GALNT18: variants seen among roughly 807,000 people sequenced by gnomAD.
The protein encoded by GALNT18 is GalNAc-transferase 18.
A neutral mutation model predicts 69.5 loss-of-function variants in GALNT18; 44 were observed. That is an observed-to-expected ratio of 0.63 (90% confidence interval 0.50 to 0.81). The LOEUF (loss-of-function observed/expected upper bound fraction) is 0.81, where lower values mean the gene tolerates loss of function less well. Ranked by LOEUF, GALNT18 falls within the 40% of genes least tolerant of loss-of-function variation. GALNT18 has a pLI of 0.00. For synonymous variants in GALNT18, 364 were observed against 318.2 expected, an observed-to-expected ratio of 1.14 and a Z score of -1.53; for missense variants, 715 against 810.0, an observed-to-expected ratio of 0.88 and a Z score of 1.42.
At chr11:11,492,380 C>T (rs1856788907) in intron 1 of GALNT18, among the ~76,000 whole-genome samples, 1 of 152,184 alleles carries the variant, frequency 6.6e-6, no homozygotes, top group Non-Finnish European at 1.5e-5. Flanking sequence ...GCCATAGAAG[C>T]TGAGAATGCT....
At chr11:11,393,603 C>T (rs866270661) in intron 3 of GALNT18, among the ~76,000 whole-genome samples, 1 of 152,194 alleles carries the variant, frequency 6.6e-6, no homozygotes, top group South Asian at 2.1e-4. Context: ...GGCAGAGACC[C>T]GTGTCCCTGA....
chr11:11,548,205 G>A (rs970424164), intron 1 of GALNT18, among the ~76,000 whole-genome samples: 1 of 152,230 alleles, frequency 6.6e-6, no homozygotes, highest in Non-Finnish European at 1.5e-5. Flanking sequence ...AGCACAGGCT[G>A]CAATCTGCAT....
rs58037253 is a variant in GALNT18, at chr11:11,562,432, T to TA, written c.235+58926dup. 0.43 allele frequency among the ~76,000 whole-genome samples: 65,454 copies of TA among 151,978 alleles called. 17,128 individuals are homozygous for TA. Among genetic ancestry groups the TA allele is most frequent in the African/African-American group, 0.74 (30,529 of 41,406 alleles). On this transcript the variant is annotated intron_variant, in intron 1 of 10. Coordinates refer to ENST00000227756, the MANE Select transcript of GALNT18 (RefSeq NM_198516.3). This position sits in a 1 kb window ranked among gnomAD's most constrained non-coding sequence, Gnocchi z 4.1. ...TAAAGTTTCTATCTCCAAATAAGGT[T>TA]ACATTCTGAGGTATTAGGGGTGAGG...
intron 1 of GALNT18, among the ~76,000 whole-genome samples, chr11:11,472,613 C>T (rs1228998422): frequency 1.3e-5 from 2 of 152,070 alleles, no homozygotes; most frequent in Non-Finnish European, 2.9e-5. Flanking sequence ...GACTCTTATA[C>T]ATTGAGTCTA....
At chr11:11,399,373 G>A (rs1311467274) in intron 3 of GALNT18, among the ~76,000 whole-genome samples, 1 of 152,274 alleles carries the variant, frequency 6.6e-6, no homozygotes, top group South Asian at 2.1e-4. Flanking sequence ...ATCTTTAAGA[G>A]GTTCACCTTT....
rs559463893 is a variant in GALNT18 at position 11,532,105 on chromosome 11, C to T, written c.236-83169G>A. On this transcript the variant is annotated intron_variant, in intron 1 of 10. Coordinates refer to ENST00000227756, the MANE Select transcript of GALNT18 (RefSeq NM_198516.3). The stretch of plus-strand genomic sequence containing the variant: ...AGTGCCCCATTTTCTCCCATTCTGA[C>T]ACCATTTTGAAATGATTAGCCTAGG... Among the ~76,000 whole-genome samples the T allele has an allele frequency of 5.4e-4, 82 of 152,220 alleles. 1 individual carries two copies. The South Asian group carries it at 0.012, about 22-fold the overall frequency.
rs370836070 is a variant in GALNT18, at chr11:11,372,478, G to C, written c.1092+37C>G. ...CCCAGACTCATTCACCCTGGTGGGA[G>C]CTGAGCCGAGCAGTTTGAGTGAGAA... On this transcript the variant is annotated intron_variant, in intron 6 of 10. Coordinates refer to ENST00000227756, the MANE Select transcript of GALNT18 (RefSeq NM_198516.3). This position sits in a 1 kb window ranked among gnomAD's most constrained non-coding sequence, Gnocchi z 4.9. The C allele has an allele frequency of 9.1e-6, 14 of 1,532,384 alleles. No homozygotes were observed. In the African/African-American group the frequency reaches 1.8e-4, roughly 19 times the overall value. The allele number at this position is 1,532,384 out of a possible 1,614,324, so 94.9% of individuals were successfully genotyped here.
chr11:11,375,463 C>T (rs1397301798), intron 5 of GALNT18, among the ~76,000 whole-genome samples: 3 of 152,184 alleles, frequency 2.0e-5, no homozygotes, highest in African/African-American at 4.8e-5. Flanking sequence ...TGCAGGAATG[C>T]TCATTGCATG....
chr11:11,429,905 C>T (rs950957327), intron 3 of GALNT18, among the ~76,000 whole-genome samples: 2 of 152,070 alleles, frequency 1.3e-5, no homozygotes, highest in Admixed American at 6.5e-5. Flanking sequence ...TTTGGGAGGG[C>T]GAGGCAGGAG....
Position 11,607,020 on chromosome 11 carries a change from T to A in GALNT18, c.235+14339A>T, listed in dbSNP as rs537008720. ...TGTGAGAACTGCAAAAGTAGGAAGG[T>A]TTACCCTTCTTTGTTGATATGTGAG... On this transcript the variant is annotated intron_variant, in intron 1 of 10. Coordinates refer to ENST00000227756, the MANE Select transcript of GALNT18 (RefSeq NM_198516.3). Among the ~76,000 whole-genome samples the A allele has an allele frequency of 7.2e-5, 11 of 152,288 alleles. No homozygotes were observed. The South Asian group carries it at 2.1e-3, about 29-fold the overall frequency.
intron 1 of GALNT18, among the ~76,000 whole-genome samples, chr11:11,579,564 T>C (rs1859022677): frequency 1.3e-5 from 2 of 152,152 alleles, no homozygotes; most frequent in Admixed American, 1.3e-4. Context: ...CCCGCCAGGG[T>C]ACCCCATGGG....
intron 1 of GALNT18, among the ~76,000 whole-genome samples, chr11:11,514,248 A>G (rs1857221031): frequency 6.6e-6 from 1 of 152,220 alleles, no homozygotes; most frequent in African/African-American, 2.4e-5. Context: ...TAGGTACTGG[A>G]GCTCCAAAAC....
chr11:11,414,204 C>A (rs1398480748), intron 3 of GALNT18, among the ~76,000 whole-genome samples: 1 of 152,232 alleles, frequency 6.6e-6, no homozygotes, highest in Non-Finnish European at 1.5e-5. Flanking sequence ...CCTGTGGCTA[C>A]TCTTACCCAT....
intron 7 of GALNT18, among the ~76,000 whole-genome samples, chr11:11,336,728 T>C (rs1850120744): frequency 2.6e-5 from 4 of 152,188 alleles, no homozygotes; most frequent in Admixed American, 2.6e-4. Flanking sequence ...CCTCCTTCTT[T>C]TCCAACTGAC....
intron 1 of GALNT18, among the ~76,000 whole-genome samples, chr11:11,525,869 G>A (rs189336545): frequency 7.2e-4 from 109 of 152,080 alleles, no homozygotes; most frequent in African/African-American, 2.4e-3. Flanking sequence ...CCCAACCTCA[G>A]GTGATCCGCC....
Position 11,435,803 on chromosome 11 carries a change from C to A in GALNT18, c.429-3016G>T, listed in dbSNP as rs1227258765. On this transcript the variant is annotated intron_variant, in intron 2 of 10. Transcript: ENST00000227756. The surrounding 1 kb of genome is among the most constrained non-coding windows in gnomAD (Gnocchi z 4.4). ...GTCAGGTCCCGGTCCTCCCGCCGAC[C>A]AGCAGGCTCCTGTTCTCCCATCCTC... is the stretch of plus-strand genomic sequence containing the variant. Among the ~76,000 whole-genome samples, 1 of 152,224 alleles carries A rather than the reference C, an allele frequency of 6.6e-6. No individual in the cohort carries two copies. Among genetic ancestry groups the A allele is most frequent in the African/African-American group, 2.4e-5 (1 of 41,450 alleles).
Position 11,413,406 on chromosome 11 carries a change from C to G in GALNT18, c.595+19215G>C, listed in dbSNP as rs1854777142. On this transcript the variant is annotated intron_variant, in intron 3 of 10. Transcript: ENST00000227756. This position sits in a 1 kb window ranked among gnomAD's most constrained non-coding sequence, Gnocchi z 4.7. ...CTACTTTCTCTGGAGGCCATTTGAT[C>G]TGGGGAGGTGATTTTAATCAGGGAT... Among the ~76,000 whole-genome samples the G allele has an allele frequency of 6.6e-6, 1 of 152,206 alleles. No individual in the cohort carries two copies. Among genetic ancestry groups the G allele is most frequent in the South Asian group, 2.1e-4 (1 of 4,828 alleles).
rs993401426 is a variant in GALNT18 at position 11,480,236 on chromosome 11, C to G, written c.236-31300G>C. ...GGGGTCAATCTTTCTTTATTTCTTT[C>G]TTTCTTCCTTCCTTCCTCTCTCTCT... On this transcript the variant is annotated intron_variant, in intron 1 of 10. Transcript: ENST00000227756. The surrounding 1 kb of genome is among the most constrained non-coding windows in gnomAD (Gnocchi z 4.6). Among the ~76,000 whole-genome samples the G allele has an allele frequency of 1.1e-4, 17 of 152,004 alleles. No homozygotes were observed. Among genetic ancestry groups the G allele is most frequent in the Non-Finnish European group, 2.9e-5 (2 of 68,008 alleles).
At chr11:11,282,632 T>C (rs915375900) in intron 10 of GALNT18, among the ~76,000 whole-genome samples, 1 of 152,100 alleles carries the variant, frequency 6.6e-6, no homozygotes, top group Non-Finnish European at 1.5e-5. Context: ...TGAACTAGAC[T>C]GAGGGAGCTG....
Sources: allele counts gnomAD v4.1 joint callset (sites outside exome capture counted in the v4.1 genomes callset), GRCh38; gene constraint gnomAD v4.1.1; non-coding constraint Gnocchi (gnomAD v3.1); transcripts MANE v1.5; gene names NCBI Gene and HGNC (gene_info 2026-07-23, HGNC 2026-07-21).